The following CAP2 variants were observed in gnomAD, a reference collection of about 807,000 sequenced individuals.
CAP2 encodes adenylyl cyclase-associated protein 2.
Under a neutral mutation model 57.7 loss-of-function variants are expected in CAP2, and 24 were observed. The observed-to-expected ratio is 0.42, with a 90% CI of 0.30 to 0.58. The LOEUF (loss-of-function observed/expected upper bound fraction) is 0.58. CAP2 is among the 20% of genes least tolerant of loss of function. The pLI, the probability that CAP2 is intolerant of heterozygous loss-of-function variation, is 0.22. For synonymous variants in CAP2, 194 were observed against 207.2 expected, an observed-to-expected ratio of 0.94 and a Z score of 0.55; for missense variants, 501 against 590.3, an observed-to-expected ratio of 0.85 and a Z score of 1.57.
intron 3 of CAP2, among the ~76,000 whole-genome samples, chr6:17,437,567 G>A (rs903800525): frequency 6.6e-6 from 1 of 152,090 alleles, no homozygotes; most frequent in Non-Finnish European, 1.5e-5. Flanking sequence ...GAGTGAGGTT[G>A]AGCACTTTTT....
At position 17,551,550 on chromosome 6, in the gene CAP2, C is replaced by T. The variant is rs2296251; in HGVS notation, c.1296C>T (p.Ile432=). The change falls in exon 12 of 13, where the codon ATC becomes ATT. Residue 432 remains isoleucine, a synonymous_variant. Coordinates refer to ENST00000229922, the MANE Select transcript of CAP2 (RefSeq NM_006366.3). The part of the protein sequence containing the change: ...YLSEDALDCE[I]VSAKSSEMNI... ...GTGAAGATGCATTAGACTGTGAGAT[C>T]GTGAGCGCCAAGTCATCTGAAATGA... 17,960 of 1,611,384 alleles carry T rather than the reference C, an allele frequency of 0.011. 994 individuals carry two copies. The East Asian group carries it at 0.19, about 17-fold the overall frequency.
intron 1 of CAP2, among the ~76,000 whole-genome samples, chr6:17,420,498 A>G (rs769645840): frequency 1.3e-5 from 2 of 152,242 alleles, no homozygotes; most frequent in Non-Finnish European, 2.9e-5. Flanking sequence ...TCATAAACTC[A>G]GTTCTCCTGG....
chr6:17,421,543 G>C lies in CAP2; in HGVS notation c.-1-12G>C. On this transcript the variant is annotated splice_polypyrimidine_tract_variant and intron_variant, in intron 1 of 12. Coordinates refer to ENST00000229922, the MANE Select transcript of CAP2 (RefSeq NM_006366.3). ...GCTCACGCAGCCTCCATTTGTGCCT[G>C]TGCTTTTCTAGAATGGCCAACATGC... is the stretch of plus-strand genomic sequence containing the variant. The C allele has an allele frequency of 6.2e-7, 1 of 1,614,158 alleles. No individual in the cohort carries two copies. Among genetic ancestry groups the C allele is most frequent in the South Asian group, 1.1e-5 (1 of 91,084 alleles).
At chr6:17,412,721 A>C (rs1166913182) in intron 1 of CAP2, among the ~76,000 whole-genome samples, 2 of 152,024 alleles carry the variant, frequency 1.3e-5, no homozygotes, top group Non-Finnish European at 2.9e-5. Context: ...GGGAGTAAGT[A>C]TTTCTTATTT....
At chr6:17,416,438 C>A (rs769694308) in intron 1 of CAP2, among the ~76,000 whole-genome samples, 8 of 152,160 alleles carry the variant, frequency 5.3e-5, no homozygotes, top group Non-Finnish European at 1.0e-4. Flanking sequence ...TACCTCCTGG[C>A]TCAGATGCAA....
chr6:17,475,817 T>C (rs1254800576), intron 4 of CAP2, among the ~76,000 whole-genome samples: 1 of 152,222 alleles, frequency 6.6e-6, no homozygotes, highest in Non-Finnish European at 1.5e-5. Context: ...CCAATGTCAG[T>C]CCTCTGAAGA....
intron 4 of CAP2, among the ~76,000 whole-genome samples, chr6:17,497,370 A>T (rs1294820809): frequency 1.3e-5 from 2 of 152,224 alleles, no homozygotes; most frequent in Non-Finnish European, 2.9e-5. Flanking sequence ...CCTCCCTGAT[A>T]GGGTAAGAGT....
At chr6:17,444,515 C>T (rs984295493) in intron 3 of CAP2, among the ~76,000 whole-genome samples, 4 of 151,718 alleles carry the variant, frequency 2.6e-5, no homozygotes, top group Admixed American at 1.3e-4. Context: ...CATGCTAGGA[C>T]CTGTAGACCC....
At chr6:17,525,598 G>A (rs549608402) in intron 7 of CAP2, among the ~76,000 whole-genome samples, 1 of 152,100 alleles carries the variant, frequency 6.6e-6, no homozygotes, top group Admixed American at 6.6e-5. Context: ...TTTCTTTTGT[G>A]TTGCTTAGCA....
At chr6:17,472,791 G>C (rs1235987271) in intron 4 of CAP2, among the ~76,000 whole-genome samples, 2 of 152,190 alleles carry the variant, frequency 1.3e-5, no homozygotes, top group African/African-American at 4.8e-5. Context: ...TACCCAGTCA[G>C]GGCTGAATCC....
chr6:17,505,446 C>T (rs1215799770), intron 4 of CAP2, among the ~76,000 whole-genome samples: 2 of 152,166 alleles, frequency 1.3e-5, no homozygotes, highest in African/African-American at 4.8e-5. Context: ...CTTAAACAAT[C>T]GCCCTGCCCT....
At chr6:17,507,599 T>G in intron 5 of CAP2, 42 bp from the exon 6 acceptor site, 1 of 1,188,032 alleles carries the variant, frequency 8.4e-7, no homozygotes, top group Non-Finnish European at 1.3e-6. Context: ...TTATCCTATT[T>G]TTTTTTCCTT....
chr6:17,478,196 G>A (rs541374124), intron 4 of CAP2, among the ~76,000 whole-genome samples: 3 of 151,062 alleles, frequency 2.0e-5, no homozygotes, highest in Admixed American at 1.3e-4. Flanking sequence ...GTGCAGTAGC[G>A]TGATCTTAGC....
At chr6:17,419,729 G>C (rs1387709520) in intron 1 of CAP2, among the ~76,000 whole-genome samples, 1 of 151,816 alleles carries the variant, frequency 6.6e-6, no homozygotes, top group Non-Finnish European at 1.5e-5. Flanking sequence ...TGTCACCCAG[G>C]CTGGAGTGCA....
intron 3 of CAP2, among the ~76,000 whole-genome samples, chr6:17,444,283 G>A (rs909551830): frequency 2.0e-5 from 3 of 152,112 alleles, no homozygotes; most frequent in Admixed American, 6.6e-5. Flanking sequence ...TGGAATCAAT[G>A]GACAGATGAA....
intron 3 of CAP2, among the ~76,000 whole-genome samples, chr6:17,431,098 C>G (rs1331310440): frequency 6.6e-6 from 1 of 152,070 alleles, no homozygotes; most frequent in Non-Finnish European, 1.5e-5. Context: ...GGGAGCTAAA[C>G]ATTGAGAACA....
chr6:17,476,680 G>A (rs547222798), intron 4 of CAP2, among the ~76,000 whole-genome samples: 2 of 152,178 alleles, frequency 1.3e-5, no homozygotes, highest in Non-Finnish European at 2.9e-5. Flanking sequence ...GCTTAAATGG[G>A]AAAAGGAGAA....
intron 7 of CAP2, among the ~76,000 whole-genome samples, chr6:17,529,052 CA>C (rs60328547): frequency 0.24 from 36,038 of 148,542 alleles, 5,206 homozygotes; most frequent in African/African-American, 0.41. Context: ...CCCATCTCTA[CA>C]AAAAAAAAAT....
intron 7 of CAP2, among the ~76,000 whole-genome samples, chr6:17,536,081 A>T (rs1762765631): frequency 6.6e-6 from 1 of 152,212 alleles, no homozygotes; most frequent in Non-Finnish European, 1.5e-5. Context: ...AGCCACCCAA[A>T]GTGCTGGGAC....
Sources: allele counts gnomAD v4.1 joint callset (sites outside exome capture counted in the v4.1 genomes callset), GRCh38; gene constraint gnomAD v4.1.1; transcripts MANE v1.5; gene names NCBI Gene and HGNC (gene_info 2026-07-23, HGNC 2026-07-21).